Variants in PTPN5 observed in about 807,000 individuals in gnomAD.
PTPN5 encodes the protein protein tyrosine phosphatase non-receptor type 5.
Under a neutral mutation model 73.9 loss-of-function variants are expected in PTPN5, and 29 were observed. That is an observed-to-expected ratio of 0.39 (90% CI 0.29 to 0.54). The LOEUF is 0.54. PTPN5 is among the 20% of genes least tolerant of loss of function. The pLI, the probability that PTPN5 is intolerant of heterozygous loss-of-function variation, is 0.65. For missense variants in PTPN5, 652 were observed against 751.4 expected, an observed-to-expected ratio of 0.87 and a Z score of 1.55; for synonymous variants, 267 against 304.7, an observed-to-expected ratio of 0.88 and a Z score of 1.29.
chr11:18,787,907 G>A (rs371034195), intron 1 of PTPN5, among the ~76,000 whole-genome samples: 1 of 152,162 alleles, frequency 6.6e-6, no homozygotes, highest in East Asian at 1.9e-4. Flanking sequence ...GAGAATAAAT[G>A]AATGAATGAA....
At position 18,729,599 on chromosome 11, in the gene PTPN5, C is replaced by T. The variant is rs1431497220; in HGVS notation, c.1491-33G>A. On this transcript the variant is annotated intron_variant, in intron 13 of 14. Transcript: ENST00000358540. This position sits in a 1 kb window ranked among gnomAD's most constrained non-coding sequence, Gnocchi z 5.2. ...CCGAGGGGACCGGTGGGGTGAGGGG[C>T]AGGGCAGCCCAGCGGGTGGGGGGCT... 1.3e-6 allele frequency: 2 copies of T among 1,569,322 alleles called. No homozygotes were observed. Among genetic ancestry groups the T allele is most frequent in the Admixed American group, 1.7e-5 (1 of 58,654 alleles).
chr11:18,751,160 A>G (rs181815479), intron 3 of PTPN5, among the ~76,000 whole-genome samples: 20 of 152,248 alleles, frequency 1.3e-4, no homozygotes, highest in Admixed American at 1.3e-3. Flanking sequence ...CACTGCTGTG[A>G]TCTCTGTTCT....
At chr11:18,746,068 AATG>A (rs1461384849) in intron 3 of PTPN5, among the ~76,000 whole-genome samples, 3 of 150,690 alleles carry the variant, frequency 2.0e-5, no homozygotes, top group African/African-American at 7.3e-5. Context: ...TAAATGAGTG[AATG>A]ATGATGGGCA....
At chr11:18,775,489 G>C (rs1020528965) in intron 1 of PTPN5, among the ~76,000 whole-genome samples, 1 of 152,198 alleles carries the variant, frequency 6.6e-6, no homozygotes, top group African/African-American at 2.4e-5. Flanking sequence ...AGAACGACTG[G>C]AAGTCCTGCG....
chr11:18,744,877 GTT>G (rs1849545630), intron 3 of PTPN5, among the ~76,000 whole-genome samples: 1 of 152,244 alleles, frequency 6.6e-6, no homozygotes, highest in Non-Finnish European at 1.5e-5. Context: ...GGAAGATGGG[GTT>G]TGGGTTCAAC....
intron 3 of PTPN5, chr11:18,744,414 T>C: frequency 2.5e-6 from 1 of 406,852 alleles, no homozygotes; most frequent in African/African-American, 2.1e-5. Context: ...CTTTTATTTC[T>C]CCAGTAACAG....
At position 18,729,083 on chromosome 11, in the gene PTPN5, G is replaced by A. The variant is rs1019565773; in HGVS notation, c.1605-56C>T. ...GGTCGTGGAGGGATGGGCTGTGGGA[G>A]GTGCCCCAAAAGCCATGGAGTAGCA... On this transcript the variant is annotated intron_variant, in intron 14 of 14. Coordinates refer to ENST00000358540, the MANE Select transcript of PTPN5 (RefSeq NM_006906.2). This position sits in a 1 kb window ranked among gnomAD's most constrained non-coding sequence, Gnocchi z 5.2. 4 of 1,575,394 alleles carry A rather than the reference G, an allele frequency of 2.5e-6. No homozygotes were observed. In the African/African-American group the frequency reaches 4.1e-5, roughly 16 times the overall value.
intron 1 of PTPN5, among the ~76,000 whole-genome samples, chr11:18,787,992 T>C (rs148883129): frequency 5.4e-4 from 83 of 152,320 alleles, no homozygotes; most frequent in South Asian, 2.7e-3. Context: ...GGTAGATTCA[T>C]AGTCCCTACT....
At chr11:18,766,483 C>T (rs537504060) in intron 2 of PTPN5, among the ~76,000 whole-genome samples, 1 of 152,294 alleles carries the variant, frequency 6.6e-6, no homozygotes, top group East Asian at 1.9e-4. Flanking sequence ...AAGTGGTATG[C>T]AGAACTCTTC....
chr11:18,728,712 T>C lies in PTPN5; in HGVS notation c.*222A>G. ...GGGTCAGGCCCCGGGGCCCCAGGCC[T>C]GGCCTGGCATGTCCCTTCCCGACCC... On this transcript the variant is annotated 3_prime_UTR_variant, in exon 15 of 15. Transcript: ENST00000358540. This position sits in a 1 kb window ranked among gnomAD's most constrained non-coding sequence, Gnocchi z 4.1. 2.0e-6 allele frequency: 1 copy of C among 490,434 alleles called. No individual in the cohort carries two copies. The highest frequency in any genetic ancestry group is 3.6e-6 in the Non-Finnish European group (1 of 281,638). 30.4% of individuals were successfully genotyped at this position (490,434 alleles called of 1,614,324 possible).
intron 3 of PTPN5, among the ~76,000 whole-genome samples, chr11:18,753,998 C>CTT (rs1850013015): frequency 6.6e-6 from 1 of 152,152 alleles, no homozygotes; most frequent in African/African-American, 2.4e-5. Flanking sequence ...AAAAAACACA[C>CTT]ATTAAACACA....
At chr11:18,762,412 C>T (rs1244083370) in intron 3 of PTPN5, among the ~76,000 whole-genome samples, 2 of 152,086 alleles carry the variant, frequency 1.3e-5, no homozygotes, top group South Asian at 2.1e-4. Flanking sequence ...CTACAAACTC[C>T]CATTTCCTTT....
intron 1 of PTPN5, among the ~76,000 whole-genome samples, chr11:18,772,826 A>G (rs931155967): frequency 6.6e-6 from 1 of 152,180 alleles, no homozygotes; most frequent in Non-Finnish European, 1.5e-5. Context: ...GGATGTAGGT[A>G]AGAAGAAAAG....
intron 11 of PTPN5, 102 bp from the exon 12 acceptor site, chr11:18,732,804 T>C: frequency 1.1e-6 from 1 of 941,534 alleles, no homozygotes; most frequent in Non-Finnish European, 1.7e-6. Context: ...GGCAACAGGG[T>C]TGCTGCTACA....
Position 18,729,681 on chromosome 11 carries a change from A to C in PTPN5, c.1467T>G (p.Cys489Trp). Residue 489 changes from cysteine to tryptophan, a missense_variant, in exon 13 of 15, where the codon TGT (cysteine) becomes TGG (tryptophan). Physicochemically the swap from Cys to Trp is radical, Grantham distance 215. This residue lies in a region of PTPN5 where 102 missense variants were observed against 160.5 expected (regional missense o/e 0.64). Transcript: ENST00000358540. This position sits in a 1 kb window ranked among gnomAD's most constrained non-coding sequence, Gnocchi z 5.2. Reference sequence around the variant, plus strand: ...ACCTGCAGTGGACGATGATGGGGGCACAGTGGGGCCCCTCCTGCTGGGCTG... The same window carrying C: ...ACCTGCAGTGGACGATGATGGGGGCCCAGTGGGGCCCCTCCTGCTGGGCTG... The part of the protein sequence containing the change: ...EEAAQQEGPH[C>W]APIIVHCSAG... 6.3e-7 allele frequency: 1 copy of C among 1,576,530 alleles called. No homozygotes were observed. The highest frequency in any genetic ancestry group is 8.6e-7 in the Non-Finnish European group (1 of 1,160,304).
intron 1 of PTPN5, among the ~76,000 whole-genome samples, chr11:18,773,506 A>G (rs1851008086): frequency 6.6e-6 from 1 of 151,996 alleles, no homozygotes; most frequent in African/African-American, 2.4e-5. Flanking sequence ...GAGTCTGCAG[A>G]CCCAGAGGGG....
At chr11:18,787,283 G>A (rs1325073967) in intron 1 of PTPN5, among the ~76,000 whole-genome samples, 1 of 152,128 alleles carries the variant, frequency 6.6e-6, no homozygotes, top group East Asian at 1.9e-4. Context: ...ATAAGTCTAA[G>A]ATATGCAGTC....
Position 18,737,868 on chromosome 11 carries a change from G to C in PTPN5, c.1000+12C>G, listed in dbSNP as rs781622455. 4.3e-6 allele frequency: 7 copies of C among 1,611,526 alleles called. No homozygotes were observed. The highest frequency in any genetic ancestry group is 5.1e-6 in the Non-Finnish European group (6 of 1,177,704). Reference sequence around the variant, plus strand: ...AGCCTGCCCCCATCCCTCTGGGACAGTGAGTACTCACTGGGAAGTATGGTT... The same window carrying C: ...AGCCTGCCCCCATCCCTCTGGGACACTGAGTACTCACTGGGAAGTATGGTT... On this transcript the variant is annotated intron_variant, in intron 9 of 14. Coordinates refer to ENST00000358540, the MANE Select transcript of PTPN5 (RefSeq NM_006906.2).
Position 18,742,429 on chromosome 11 carries a change from G to A in PTPN5, c.558C>T (p.Ser186=), listed in dbSNP as rs753224452. The part of the protein sequence containing the change: ...LPPEDRRQSV[S]RQPSFTYSEW... ...CTGAGTAGGTGAAGGAGGGCTGGCG[G>A]CTCACTGACTGGCGCCTGTCCTCAG... Residue 186 remains serine, a synonymous_variant, in exon 7 of 15, where the codon AGC becomes AGT. Coordinates refer to ENST00000358540, the MANE Select transcript of PTPN5 (RefSeq NM_006906.2). This position sits in a 1 kb window ranked among gnomAD's most constrained non-coding sequence, Gnocchi z 4.1. 1 of 1,614,158 alleles carries A rather than the reference G, an allele frequency of 6.2e-7. No homozygotes were observed. Among genetic ancestry groups the A allele is most frequent in the South Asian group, 1.1e-5 (1 of 91,084 alleles).
Sources: gnomAD v4.1 joint callset for allele counts (sites outside exome capture counted in the v4.1 genomes callset) on GRCh38, gnomAD v4.1.1 for gene constraint, gnomAD v4.1.1 regional missense constraint, Gnocchi (gnomAD v3.1) non-coding constraint, MANE v1.5 for transcripts, NCBI Gene and HGNC (gene_info 2026-07-23, HGNC 2026-07-21) for gene names.